Variants in ANKRD50 observed in about 807,000 individuals in gnomAD.
The protein encoded by ANKRD50 is ankyrin repeat domain 50, also known as ankyrin repeat domain-containing protein 50.
Under a neutral mutation model 112.0 loss-of-function variants are expected in ANKRD50, and 40 were observed. The observed-to-expected ratio is 0.36, with a 90% CI of 0.28 to 0.46. The LOEUF (loss-of-function observed/expected upper bound fraction) is 0.46. ANKRD50 is among the 20% of genes least tolerant of loss of function. The pLI, the probability that ANKRD50 is intolerant of heterozygous loss-of-function variation, is 1.00. For synonymous variants in ANKRD50, 613 were observed against 619.1 expected (o/e 0.99, Z 0.15); for missense variants, 1,487 against 1,701.7 (o/e 0.87, Z 2.22).
chr4:124,686,809 A>T (rs1187794199), intron 2 of ANKRD50, among the ~76,000 whole-genome samples: 1 of 152,134 alleles, frequency 6.6e-6, no homozygotes, highest in African/African-American at 2.4e-5. Context: ...CCATGCCCTA[A>T]ATACAACATA....
chr4:124,668,902 G>A (rs1560816344), intron 4 of ANKRD50, 82 bp downstream of exon 4: 12 of 1,254,600 alleles, frequency 9.6e-6, no homozygotes, highest in Non-Finnish European at 1.3e-5. Flanking sequence ...GAGGGAATTG[G>A]CCTTGTGATC....
rs748605560 is a variant in ANKRD50 at position 124,664,425 on chromosome 4, A to C, written c.*3093T>G. ...AACTTAAAACAACTAACAGTTGTTT[A>C]TGCTATATGCATATCATGCATGTTC... On this transcript the variant is annotated 3_prime_UTR_variant, in exon 5 of 5. Coordinates refer to ENST00000504087, the MANE Select transcript of ANKRD50 (RefSeq NM_020337.3). The C allele has an allele frequency of 5.2e-5, 8 of 152,390 alleles. No individual in the cohort carries two copies. Among genetic ancestry groups the C allele is most frequent in the Non-Finnish European group, 1.2e-4 (8 of 67,934 alleles). The allele number at this position is 152,390 out of a possible 1,614,324, so 9.4% of individuals were successfully genotyped here. A position where few individuals can be genotyped will look rare whatever the true frequency, so the allele number is the denominator to read the frequency against.
Position 124,666,321 on chromosome 4 carries a change from A to G in ANKRD50, c.*1197T>C, listed in dbSNP as rs1023481426. 2 of 152,468 alleles carry G rather than the reference A, an allele frequency of 1.3e-5. No individual in the cohort carries two copies. Among genetic ancestry groups the G allele is most frequent in the African/African-American group, 4.8e-5 (2 of 41,412 alleles). 9.4% of individuals were successfully genotyped at this position (152,468 alleles called of 1,614,324 possible). A position where few individuals can be genotyped will look rare whatever the true frequency, so the allele number is the denominator to read the frequency against. Reference sequence around the variant, plus strand: ...TGCATGCAATTGTACAAAGAAGAAAACAGGAAAGAGTATGAGGATAGAAAA... The same window carrying G: ...TGCATGCAATTGTACAAAGAAGAAAGCAGGAAAGAGTATGAGGATAGAAAA... On this transcript the variant is annotated 3_prime_UTR_variant, in exon 5 of 5. Coordinates refer to ENST00000504087, the MANE Select transcript of ANKRD50 (RefSeq NM_020337.3).
intron 3 of ANKRD50, among the ~76,000 whole-genome samples, chr4:124,673,647 A>G (rs1730709577): frequency 6.6e-6 from 1 of 152,122 alleles, no homozygotes; most frequent in Non-Finnish European, 1.5e-5. Context: ...CAAAGCTGAC[A>G]CTAACTTGTG....
intron 2 of ANKRD50, among the ~76,000 whole-genome samples, chr4:124,701,727 G>T (rs1725396978): frequency 6.6e-6 from 1 of 151,658 alleles, no homozygotes; most frequent in Non-Finnish European, 1.5e-5. Context: ...GGGTCTCACT[G>T]TGTTGCCAGG....
chr4:124,684,194 C>T (rs1352226604), intron 2 of ANKRD50, among the ~76,000 whole-genome samples: 1 of 152,086 alleles, frequency 6.6e-6, no homozygotes, highest in Non-Finnish European at 1.5e-5. Context: ...ATTCCTTCCC[C>T]ATTTGTTCTT....
At position 124,672,107 on chromosome 4, in the gene ANKRD50, A is replaced by T. The variant is rs1290506859; in HGVS notation, c.1170T>A (p.Asp390Glu). 6.2e-7 allele frequency: 1 copy of T among 1,613,914 alleles called. No individual in the cohort carries two copies. Among genetic ancestry groups the T allele is most frequent in the Admixed American group, 1.7e-5 (1 of 59,992 alleles). ...CATCAACAAGAAGTTTGGAGAGGAT[A>T]TCTAACTTGCGTTGAAAATCTTCCA... Reference protein sequence around the residue: ...LTLEDFQRKLDILSKLLVDGL... With the variant: ...LTLEDFQRKLEILSKLLVDGL... Residue 390 changes from aspartate to glutamate, a missense_variant, in exon 4 of 5, where the codon GAT becomes GAA. This residue lies in a region of ANKRD50 where 1,046 missense variants were observed against 1,269.5 expected (regional missense o/e 0.82). Transcript: ENST00000504087.
rs1391643835 is a variant in ANKRD50 at position 124,665,870 on chromosome 4, G to A, written c.*1648C>T. The A allele has an allele frequency of 1.3e-5, 2 of 152,302 alleles. No individual in the cohort carries two copies. The highest frequency in any genetic ancestry group is 4.8e-5 in the African/African-American group (2 of 41,424). The allele number at this position is 152,302 out of a possible 1,614,324, so 9.4% of individuals were successfully genotyped here. ...AGAAAAGCCTTACAATAAGATTCAA[G>A]TGAAACATTTATCATAATTATACAT... On this transcript the variant is annotated 3_prime_UTR_variant, in exon 5 of 5. Coordinates refer to ENST00000504087, the MANE Select transcript of ANKRD50 (RefSeq NM_020337.3).
rs765790203 is a variant in ANKRD50, at chr4:124,672,176, C to A, written c.1101G>T (p.Thr367=). 10 of 1,613,822 alleles carry A rather than the reference C, an allele frequency of 6.2e-6. No homozygotes were observed. Among genetic ancestry groups the A allele is most frequent in the Non-Finnish European group, 8.5e-6 (10 of 1,179,842 alleles). Residue 367 remains threonine, a synonymous_variant, in exon 4 of 5, where the codon ACG becomes ACT. Transcript: ENST00000504087. ...ILAACRPLTI[T]ELYHAVWTKN... The stretch of plus-strand genomic sequence containing the variant: ...TGGTCCATACTGCGTGATATAATTC[C>A]GTTATGGTCAAAGGTCGGCAGGCTG...
chr4:124,711,013 G>A lies in ANKRD50; in HGVS notation c.-502C>T. The A allele has an allele frequency of 2.7e-6, 1 of 365,364 alleles. No homozygotes were observed. The highest frequency in any genetic ancestry group is 4.9e-6 in the Non-Finnish European group (1 of 204,854). The allele number at this position is 365,364 out of a possible 1,614,324, so 22.6% of individuals were successfully genotyped here. On this transcript the variant is annotated 5_prime_UTR_variant, in exon 2 of 5. Coordinates refer to ENST00000504087, the MANE Select transcript of ANKRD50 (RefSeq NM_020337.3). ...TTACATTTATACGGTATGAGGTACA[G>A]TATGTAAGTAGCTCTGTATTTCTCG...
chr4:124,694,441 C>T (rs1240100450), intron 2 of ANKRD50, among the ~76,000 whole-genome samples: 5 of 152,184 alleles, frequency 3.3e-5, no homozygotes, highest in African/African-American at 1.2e-4. Context: ...AAGATAAAAT[C>T]TCTAGCTTGC....
chr4:124,705,386 C>T (rs1244704297), intron 2 of ANKRD50, among the ~76,000 whole-genome samples: 2 of 152,176 alleles, frequency 1.3e-5, no homozygotes, highest in South Asian at 2.1e-4. Context: ...ACTCCATTTA[C>T]ACTTAACCCG....
chr4:124,666,681 G>A lies in ANKRD50; in HGVS notation c.*837C>T, dbSNP rs906614156. On this transcript the variant is annotated 3_prime_UTR_variant, in exon 5 of 5. Coordinates refer to ENST00000504087, the MANE Select transcript of ANKRD50 (RefSeq NM_020337.3). ...CTGCACACACATGTGACTGAGGCAT[G>A]GCTTTGTCCCTGAGAATTTTCATGC... 7 of 152,342 alleles carry A rather than the reference G, an allele frequency of 4.6e-5. No homozygotes were observed. The highest frequency in any genetic ancestry group is 2.9e-5 in the Non-Finnish European group (2 of 67,916). The allele number at this position is 152,342 out of a possible 1,614,324, so 9.4% of individuals were successfully genotyped here.
Position 124,703,574 on chromosome 4 carries a change from A to G in ANKRD50, c.512+6426T>C, listed in dbSNP as rs116217757. On this transcript the variant is annotated intron_variant, in intron 2 of 4. Transcript: ENST00000504087. ...CATGGTGAAGGCTGAACCAAATTAG[A>G]GCATGCAGGGCTTATATAAAGACAG... is the stretch of plus-strand genomic sequence containing the variant. Among the ~76,000 whole-genome samples, 191 of 152,246 alleles carry G rather than the reference A, an allele frequency of 1.3e-3. 2 individuals are homozygous for G. Among genetic ancestry groups the G allele is most frequent in the African/African-American group, 4.4e-3 (182 of 41,540 alleles).
At chr4:124,699,140 A>G (rs536888801) in intron 2 of ANKRD50, among the ~76,000 whole-genome samples, 2 of 152,010 alleles carry the variant, frequency 1.3e-5, no homozygotes, top group Non-Finnish European at 2.9e-5. Flanking sequence ...AGGGTCATCT[A>G]TGGAGTGTGT....
intron 2 of ANKRD50, among the ~76,000 whole-genome samples, chr4:124,693,171 T>C (rs918363581): frequency 4.6e-5 from 7 of 152,224 alleles, no homozygotes; most frequent in African/African-American, 1.7e-4. Flanking sequence ...TCTTAAAACC[T>C]GGCTAAACCA....
Position 124,675,380 on chromosome 4 carries a change from GA to G in ANKRD50, c.743-2847del, listed in dbSNP as rs559500766. 2.9e-3 allele frequency among the ~76,000 whole-genome samples: 444 copies of G among 151,650 alleles called. 1 individual carries two copies. The highest frequency in any genetic ancestry group is 0.01 in the African/African-American group (420 of 41,474). On this transcript the variant is annotated intron_variant, in intron 3 of 4. Coordinates refer to ENST00000504087, the MANE Select transcript of ANKRD50 (RefSeq NM_020337.3). Reference sequence around the variant, plus strand: ...AAGAACATATGAGGATAAGCAATACGAAAATAAAACCTAAAAATATAACAAG... The same window carrying G: ...AAGAACATATGAGGATAAGCAATACGAAATAAAACCTAAAAATATAACAAG...
At position 124,672,256 on chromosome 4, in the gene ANKRD50, G is replaced by C. The variant is rs1730678775; in HGVS notation, c.1021C>G (p.Leu341Val). The C allele has an allele frequency of 6.2e-7, 1 of 1,613,788 alleles. No individual in the cohort carries two copies. The highest frequency in any genetic ancestry group is 8.5e-7 in the Non-Finnish European group (1 of 1,179,826). The change falls in exon 4 of 5, where the codon CTT (leucine) becomes GTT (valine). Residue 341 changes from leucine (L) to valine (V), a missense_variant. This residue lies in a region of ANKRD50 where 1,046 missense variants were observed against 1,269.5 expected (regional missense o/e 0.82). Coordinates refer to ENST00000504087, the MANE Select transcript of ANKRD50 (RefSeq NM_020337.3). ...TTTGCAAATTGTTTTCTTACAAAAA[G>C]TCTTTGGCACAGCCAGAGATATAAA... ...NGLYLWLCQR[L>V]FVRKQFAKVQ...
At chr4:124,668,054 G>C (rs1730541112) in intron 4 of ANKRD50, among the ~76,000 whole-genome samples, 1 of 151,956 alleles carries the variant, frequency 6.6e-6, no homozygotes, top group Admixed American at 6.6e-5. Flanking sequence ...TATAGCTGCA[G>C]TGTATGCTAG....
Sources: gnomAD v4.1 joint callset for allele counts (sites outside exome capture counted in the v4.1 genomes callset) on GRCh38, gnomAD v4.1.1 for gene constraint, gnomAD v4.1.1 regional missense constraint, MANE v1.5 for transcripts, NCBI Gene and HGNC (gene_info 2026-07-23, HGNC 2026-07-21) for gene names.